RXFP1: variants seen among roughly 807,000 people sequenced by gnomAD.
RXFP1 encodes the protein relaxin receptor 1.
RXFP1 carries 73 observed loss-of-function variants against 89.8 expected under a neutral mutation model. The observed-to-expected ratio is 0.81, with a 90% CI of 0.67 to 0.99. The LOEUF (loss-of-function observed/expected upper bound fraction) is 0.99. RXFP1 is among the 50% of genes least tolerant of loss of function. The pLI is 0.00. For synonymous variants in RXFP1, 277 were observed against 305.5 expected (o/e 0.91, Z 0.97); for missense variants, 793 against 895.5 (o/e 0.89, Z 1.46).
intron 11 of RXFP1, among the ~76,000 whole-genome samples, chr4:158,631,440 T>C (rs1768003246): frequency 6.6e-6 from 1 of 152,196 alleles, no homozygotes; most frequent in African/African-American, 2.4e-5. Context: ...TGAATAGATA[T>C]CGTTCTTGTA....
chr4:158,587,244 A>G (rs1758473682), intron 2 of RXFP1, among the ~76,000 whole-genome samples: 1 of 152,226 alleles, frequency 6.6e-6, no homozygotes, highest in Non-Finnish European at 1.5e-5. Context: ...GATATGCATG[A>G]AGACTGTTTA....
intron 2 of RXFP1, among the ~76,000 whole-genome samples, chr4:158,576,590 A>G (rs1756255836): frequency 6.6e-6 from 1 of 152,136 alleles, no homozygotes; most frequent in African/African-American, 2.4e-5. Context: ...AAAATCAGGA[A>G]TGCATGCAAA....
At chr4:158,643,237 C>T (rs1330817411) in intron 14 of RXFP1, among the ~76,000 whole-genome samples, 3 of 152,108 alleles carry the variant, frequency 2.0e-5, no homozygotes, top group Admixed American at 2.0e-4. Context: ...TCTATGTCTG[C>T]AGCTTAATTT....
Position 158,608,747 on chromosome 4 carries a change from A to G in RXFP1, c.536+704A>G, listed in dbSNP as rs2150121815. On this transcript the variant is annotated intron_variant, in intron 6 of 17. Coordinates refer to ENST00000307765, the MANE Select transcript of RXFP1 (RefSeq NM_021634.4). The stretch of plus-strand genomic sequence containing the variant: ...AAAACTTTTTCATCTTCCCCAACTG[A>G]AACTCCATATTTGTTGAATAATAAT... Among the ~76,000 whole-genome samples the G allele has an allele frequency of 1.3e-5, 2 of 152,290 alleles. 1 individual carries two copies. The highest frequency in any genetic ancestry group is 4.1e-4 in the South Asian group (2 of 4,832).
At chr4:158,616,579 T>A in intron 8 of RXFP1, among the ~76,000 whole-genome samples, 1 of 145,548 alleles carries the variant, frequency 6.9e-6, no homozygotes, top group East Asian at 2.0e-4. Context: ...TTTTAGTTAC[T>A]AACATTACTG....
At chr4:158,581,953 CGAGA>C (rs1757452091) in intron 2 of RXFP1, among the ~76,000 whole-genome samples, 1 of 152,222 alleles carries the variant, frequency 6.6e-6, no homozygotes, top group African/African-American at 2.4e-5. Flanking sequence ...GATTACATAG[CGAGA>C]GAGGAAGCAA....
At chr4:158,543,845 T>A (rs1404427137) in intron 1 of RXFP1, 10 of 985,262 alleles carry the variant, frequency 1.0e-5, no homozygotes, top group Admixed American at 1.2e-4. Flanking sequence ...TAAAATCCAG[T>A]AAGACAGAGT....
intron 9 of RXFP1, among the ~76,000 whole-genome samples, chr4:158,626,111 TATAGATAG>T (rs71587463): frequency 0.19 from 25,601 of 136,090 alleles, 2,823 homozygotes; most frequent in Middle Eastern, 0.25. Context: ...TAGATATCTA[TATAGATAG>T]ATAGATAGAT....
chr4:158,577,970 T>G (rs1281662420), intron 2 of RXFP1, among the ~76,000 whole-genome samples: 3 of 152,178 alleles, frequency 2.0e-5, no homozygotes, highest in Non-Finnish European at 4.4e-5. Flanking sequence ...GAGCATGACA[T>G]TAACTCAGTG....
chr4:158,553,362 G>A (rs1198156858), intron 1 of RXFP1, among the ~76,000 whole-genome samples: 1 of 152,004 alleles, frequency 6.6e-6, no homozygotes, highest in Non-Finnish European at 1.5e-5. Context: ...TGTTTTCAGG[G>A]GCTAAGCCAG....
Position 158,620,686 on chromosome 4 carries a change from G to A in RXFP1, c.755+3481G>A, listed in dbSNP as rs190885560. Among the ~76,000 whole-genome samples, 118 of 152,132 alleles carry A rather than the reference G, an allele frequency of 7.8e-4. 1 individual carries two copies. Among genetic ancestry groups the A allele is most frequent in the Non-Finnish European group, 1.4e-3 (92 of 67,982 alleles). On this transcript the variant is annotated intron_variant, in intron 9 of 17. Coordinates refer to ENST00000307765, the MANE Select transcript of RXFP1 (RefSeq NM_021634.4). ...AGGACTATCACCAGGGATAAAGAGC[G>A]ATATCATATAATAATAAAAAGATCA...
At chr4:158,627,250 A>G (rs1767035829) in intron 10 of RXFP1, among the ~76,000 whole-genome samples, 1 of 152,102 alleles carries the variant, frequency 6.6e-6, no homozygotes, top group Non-Finnish European at 1.5e-5. Flanking sequence ...TTAAATTCAC[A>G]TGGTATTTTC....
At chr4:158,572,407 G>C (rs1231680000) in intron 1 of RXFP1, among the ~76,000 whole-genome samples, 1 of 152,162 alleles carries the variant, frequency 6.6e-6, no homozygotes, top group Non-Finnish European at 1.5e-5. Flanking sequence ...ACGGTAATTG[G>C]ATTGAACTGT....
intron 1 of RXFP1, among the ~76,000 whole-genome samples, chr4:158,546,782 C>T (rs1748547636): frequency 6.6e-6 from 1 of 151,960 alleles, no homozygotes; most frequent in African/African-American, 2.4e-5. Context: ...ACCAGCCTTG[C>T]ATCCCAGGGA....
chr4:158,632,077 T>C (rs757655762), intron 11 of RXFP1, among the ~76,000 whole-genome samples: 6 of 152,160 alleles, frequency 3.9e-5, no homozygotes, highest in Admixed American at 6.5e-5. Flanking sequence ...CGGTTTTGAT[T>C]TCATCTCCTA....
chr4:158,617,167 T>C lies in RXFP1; in HGVS notation c.717T>C (p.Asp239=). 6.2e-7 allele frequency: 1 copy of C among 1,610,950 alleles called. No individual in the cohort carries two copies. Among genetic ancestry groups the C allele is most frequent in the Non-Finnish European group, 8.5e-7 (1 of 1,178,392 alleles). ...LMNNVLTRLP[D]KPLCQHMPRL... The stretch of plus-strand genomic sequence containing the variant: ...ATAACGTCCTCACCCGTTTACCTGA[T>C]AAACCTCTCTGTCAACACATGCCAA... Residue 239 remains aspartate (D), a synonymous_variant, in exon 9 of 18, where the codon GAT becomes GAC. Coordinates refer to ENST00000307765, the MANE Select transcript of RXFP1 (RefSeq NM_021634.4).
chr4:158,545,523 C>G (rs1476743052), intron 1 of RXFP1, among the ~76,000 whole-genome samples: 3 of 152,062 alleles, frequency 2.0e-5, no homozygotes, highest in African/African-American at 7.3e-5. Context: ...AAGTCCTTGC[C>G]CATGCCTATG....
intron 8 of RXFP1, among the ~76,000 whole-genome samples, chr4:158,613,943 G>T (rs1481683035): frequency 6.6e-6 from 1 of 152,170 alleles, no homozygotes; most frequent in Non-Finnish European, 1.5e-5. Flanking sequence ...TGATCCATGG[G>T]CTGTAGAATG....
At chr4:158,627,253 G>T (rs556630773) in intron 10 of RXFP1, among the ~76,000 whole-genome samples, 3 of 151,866 alleles carry the variant, frequency 2.0e-5, no homozygotes, top group Non-Finnish European at 4.4e-5. Context: ...AATTCACATG[G>T]TATTTTCTGT....
Sources: gnomAD v4.1 joint callset for allele counts (sites outside exome capture counted in the v4.1 genomes callset) on GRCh38, gnomAD v4.1.1 for gene constraint, MANE v1.5 for transcripts, NCBI Gene and HGNC (gene_info 2026-07-23, HGNC 2026-07-21) for gene names.